The following UNC13C variants were observed in gnomAD, a reference collection of about 807,000 sequenced individuals.
UNC13C encodes unc-13 homolog C, also known as protein unc-13 homolog C.
In UNC13C, 174 loss-of-function variants were observed where a neutral mutation model predicts 245.4. That is an observed-to-expected ratio of 0.71 (90% CI 0.63 to 0.80). The LOEUF (loss-of-function observed/expected upper bound fraction) is 0.80, where lower values mean the gene tolerates loss of function less well. Among genes scored for constraint, UNC13C ranks in the 30% least tolerant of loss-of-function variants. The probability of loss-of-function intolerance (pLI) is 0.00; values close to 1 mark genes in which losing one functional copy is unlikely to be tolerated. For missense variants in UNC13C, 2,829 were observed against 2,602.9 expected, an observed-to-expected ratio of 1.09 and a Z score of -1.89; for synonymous variants, 992 against 895.1, an observed-to-expected ratio of 1.11 and a Z score of -1.93.
rs765962160 is a variant in UNC13C, at chr15:54,027,604, CA to C, written c.2983+11721del. Among the ~76,000 whole-genome samples, 6 of 152,276 alleles carry C rather than the reference CA, an allele frequency of 3.9e-5. No individual in the cohort carries two copies. The Middle Eastern group carries it at 0.01, about 259-fold the overall frequency. On this transcript the variant is annotated intron_variant, in intron 2 of 32. Transcript: ENST00000260323. ...CAGGCTGGACTTGAACTCCTGACTT[CA>C]AATGATCTGCCTGCCTCTGCCTCCC...
intron 30 of UNC13C, among the ~76,000 whole-genome samples, chr15:54,590,435 ATTTG>A (rs1284757547): frequency 6.6e-6 from 1 of 152,108 alleles, no homozygotes; most frequent in Non-Finnish European, 1.5e-5. Flanking sequence ...ATGTGTTTCC[ATTTG>A]TTTGTGTCAT....
intron 28 of UNC13C, among the ~76,000 whole-genome samples, chr15:54,552,050 T>G (rs1219627731): frequency 6.6e-6 from 1 of 151,022 alleles, no homozygotes; most frequent in Admixed American, 6.7e-5. Context: ...GAACTCCTAT[T>G]TAGGAGTATT....
At chr15:54,094,748 A>C (rs556793674) in intron 2 of UNC13C, among the ~76,000 whole-genome samples, 1 of 152,246 alleles carries the variant, frequency 6.6e-6, no homozygotes, top group African/African-American at 2.4e-5. Flanking sequence ...GTTTTGTTAC[A>C]ATTCTCTCTC....
chr15:54,616,103 C>G (rs375385999), intron 30 of UNC13C, among the ~76,000 whole-genome samples: 1 of 152,000 alleles, frequency 6.6e-6, no homozygotes, highest in African/African-American at 2.4e-5. Context: ...GGTGACTTAC[C>G]TCATGGATTT....
intron 30 of UNC13C, among the ~76,000 whole-genome samples, chr15:54,606,643 C>T (rs1320422025): frequency 1.3e-5 from 2 of 152,070 alleles, no homozygotes; most frequent in East Asian, 3.9e-4. Flanking sequence ...CCTCGTAGTA[C>T]CATAAAAGGA....
At chr15:54,357,502 G>T (rs756578567) in intron 17 of UNC13C, among the ~76,000 whole-genome samples, 1 of 151,770 alleles carries the variant, frequency 6.6e-6, no homozygotes, top group Non-Finnish European at 1.5e-5. Context: ...AATATTATTT[G>T]AAATTCTTAA....
At chr15:54,555,631 T>A (rs1046945488) in intron 29 of UNC13C, 119 bp downstream of exon 29, 1 of 724,032 alleles carries the variant, frequency 1.4e-6, no homozygotes. Context: ...AGATAGTAGA[T>A]AGTTGAATAG....
intron 8 of UNC13C, among the ~76,000 whole-genome samples, chr15:54,260,463 C>CA (rs2036393924): frequency 6.6e-6 from 1 of 150,818 alleles, no homozygotes; most frequent in Non-Finnish European, 1.5e-5. Flanking sequence ...AGAAAAATAG[C>CA]AAAAGGAAAG....
intron 19 of UNC13C, among the ~76,000 whole-genome samples, chr15:54,454,198 A>C (rs1326383699): frequency 6.6e-6 from 1 of 152,092 alleles, no homozygotes; most frequent in Non-Finnish European, 1.5e-5. Flanking sequence ...ATGAGGTGCT[A>C]CATTCACAAT....
chr15:54,301,289 GT>G (rs10548904), intron 13 of UNC13C, among the ~76,000 whole-genome samples: 33,473 of 140,006 alleles, frequency 0.24, 3,425 homozygotes, highest in South Asian at 0.28. Context: ...ATTTTCTTTT[GT>G]TTTTTTTTTT....
chr15:54,386,351 C>A (rs1450047217), intron 17 of UNC13C, among the ~76,000 whole-genome samples: 4 of 152,164 alleles, frequency 2.6e-5, no homozygotes, highest in African/African-American at 9.7e-5. Flanking sequence ...CAGCTACCAT[C>A]ACTAGCACTT....
intron 28 of UNC13C, among the ~76,000 whole-genome samples, chr15:54,550,815 G>A (rs1024237272): frequency 6.6e-6 from 1 of 152,112 alleles, no homozygotes; most frequent in Admixed American, 6.6e-5. Flanking sequence ...ACCTCCCTGG[G>A]ATTTCTGGAG....
At chr15:54,205,270 G>C (rs1256480518) in intron 4 of UNC13C, among the ~76,000 whole-genome samples, 1 of 151,918 alleles carries the variant, frequency 6.6e-6, no homozygotes, top group East Asian at 1.9e-4. Flanking sequence ...CTCCTGGTGA[G>C]TCTAATGATC....
chr15:54,450,902 C>T (rs1891136758), intron 19 of UNC13C, among the ~76,000 whole-genome samples: 1 of 152,186 alleles, frequency 6.6e-6, no homozygotes, highest in Non-Finnish European at 1.5e-5. Flanking sequence ...CCTATTTGGC[C>T]ATCTTGGAAC....
chr15:54,238,286 G>A (rs1022491570), intron 7 of UNC13C, among the ~76,000 whole-genome samples: 2 of 152,066 alleles, frequency 1.3e-5, no homozygotes, highest in East Asian at 1.9e-4. Context: ...TGTTGGCCAG[G>A]ATGGTCTCCA....
At chr15:53,993,611 G>A (rs1419507132) in intron 1 of UNC13C, among the ~76,000 whole-genome samples, 1 of 152,124 alleles carries the variant, frequency 6.6e-6, no homozygotes, top group Non-Finnish European at 1.5e-5. Context: ...GGGATATTCA[G>A]AAAGTGTATG....
At chr15:53,868,790 A>G in the UNC13C span, among the ~76,000 whole-genome samples, 94,863 of 152,018 alleles carry the variant, frequency 0.62, 29,647 homozygotes, top group East Asian at 0.68. Flanking sequence ...TGTCATTTGA[A>G]GTTTTCTATA....
chr15:54,217,645 C>T (rs1038181801), intron 4 of UNC13C, among the ~76,000 whole-genome samples: 1 of 152,036 alleles, frequency 6.6e-6, no homozygotes, highest in South Asian at 2.1e-4. Flanking sequence ...ACCAGTAATA[C>T]ATAATCTACT....
the UNC13C span, among the ~76,000 whole-genome samples, chr15:53,937,800 G>A: frequency 4.1e-4 from 39 of 95,020 alleles, no homozygotes; most frequent in Admixed American, 1.9e-3. Context: ...CATAAGTGAC[G>A]GAGAACAATG....
Sources: gnomAD v4.1 joint callset for allele counts (sites outside exome capture counted in the v4.1 genomes callset) on GRCh38, gnomAD v4.1.1 for gene constraint, MANE v1.5 for transcripts, NCBI Gene and HGNC (gene_info 2026-07-23, HGNC 2026-07-21) for gene names.